The following AVEN variants were observed in gnomAD, a reference collection of about 807,000 sequenced individuals.
AVEN encodes cell death regulator Aven.
AVEN carries 41 observed loss-of-function variants against 38.1 expected under a neutral mutation model. That is an observed-to-expected ratio of 1.08 (90% CI 0.84 to 1.40). The LOEUF is 1.40. Ranked by LOEUF, AVEN falls within the 40% of genes most tolerant of loss-of-function variation. AVEN has a pLI of 0.00. For missense variants in AVEN, 605 were observed against 438.8 expected, an observed-to-expected ratio of 1.38 and a Z score of -3.38; for synonymous variants, 206 against 171.8, an observed-to-expected ratio of 1.20 and a Z score of -1.56.
At chr15:34,030,825 C>T (rs1364055614) in intron 1 of AVEN, among the ~76,000 whole-genome samples, 1 of 151,642 alleles carries the variant, frequency 6.6e-6, no homozygotes, top group Non-Finnish European at 1.5e-5. Flanking sequence ...GCTTTGTTGC[C>T]CAGGCTGGTC....
At chr15:33,970,097 G>A (rs948110893) in intron 2 of AVEN, among the ~76,000 whole-genome samples, 1 of 151,982 alleles carries the variant, frequency 6.6e-6, no homozygotes, top group Non-Finnish European at 1.5e-5. Context: ...GAAGAGAGGA[G>A]ACAGGGAAAC....
intron 1 of AVEN, among the ~76,000 whole-genome samples, chr15:34,026,231 G>C (rs1481854147): frequency 6.6e-6 from 1 of 151,782 alleles, no homozygotes; most frequent in Non-Finnish European, 1.5e-5. Flanking sequence ...AGTTTTATGA[G>C]AAAAGAATAT....
At chr15:33,942,881 GATTT>G (rs1166413087) in intron 2 of AVEN, among the ~76,000 whole-genome samples, 2 of 152,298 alleles carry the variant, frequency 1.3e-5, no homozygotes, top group Middle Eastern at 3.4e-3. Flanking sequence ...CAAAAATCAT[GATTT>G]ATTTGGAGCC....
At chr15:34,065,368 TG>T (rs1437082144) in intron 4 of AVEN, 1 of 152,266 alleles carries the variant, frequency 6.6e-6, no homozygotes, top group African/African-American at 2.4e-5. Flanking sequence ...AGAGCCCTTT[TG>T]CAGCCTCCAA....
chr15:33,968,127 C>G (rs1476248928), intron 2 of AVEN, among the ~76,000 whole-genome samples: 1 of 20,036 alleles, frequency 5.0e-5, no homozygotes, highest in African/African-American at 7.9e-5. Flanking sequence ...AAAAAAAAAG[C>G]TTCTAGCCAA....
chr15:33,961,590 A>C (rs113007664), intron 2 of AVEN, among the ~76,000 whole-genome samples: 1 of 151,582 alleles, frequency 6.6e-6, no homozygotes, highest in Non-Finnish European at 1.5e-5. Context: ...AAGGTGGGCG[A>C]ATCACGAGGT....
intron 2 of AVEN, among the ~76,000 whole-genome samples, chr15:33,896,107 C>A (rs772564584): frequency 1.3e-5 from 2 of 152,188 alleles, no homozygotes; most frequent in Non-Finnish European, 2.9e-5. Context: ...TTCCAAGTAA[C>A]TTAATTATAC....
At chr15:33,993,632 T>C (rs1247804435) in intron 2 of AVEN, among the ~76,000 whole-genome samples, 1 of 152,182 alleles carries the variant, frequency 6.6e-6, no homozygotes, top group Admixed American at 6.5e-5. Context: ...ATAATACATA[T>C]GAGCTTATAG....
chr15:33,873,923 C>T (rs1320256836), intron 3 of AVEN, among the ~76,000 whole-genome samples: 2 of 151,800 alleles, frequency 1.3e-5, no homozygotes, highest in African/African-American at 4.8e-5. Flanking sequence ...CTATGAGTAA[C>T]CCCTGTCCCA....
At chr15:33,860,071 A>AGCAGAGGAGCTGG (rs2080172771) in intron 11 of AVEN, among the ~76,000 whole-genome samples, 1 of 152,008 alleles carries the variant, frequency 6.6e-6, no homozygotes, top group Admixed American at 6.6e-5. Context: ...GTAGGGTAGG[A>AGCAGAGGAGCTGG]GCAGAGGAGC....
At chr15:33,884,386 T>G (rs898517692) in intron 2 of AVEN, among the ~76,000 whole-genome samples, 3 of 152,228 alleles carry the variant, frequency 2.0e-5, no homozygotes, top group Non-Finnish European at 2.9e-5. Flanking sequence ...CCTAAAATTA[T>G]GCCTATAGTA....
At chr15:33,962,577 T>C (rs1367781418) in intron 2 of AVEN, among the ~76,000 whole-genome samples, 1 of 152,196 alleles carries the variant, frequency 6.6e-6, no homozygotes, top group African/African-American at 2.4e-5. Flanking sequence ...CCCTGGATCA[T>C]CATCATAACC....
At chr15:33,881,529 G>A (rs1049444556) in intron 2 of AVEN, among the ~76,000 whole-genome samples, 11 of 152,146 alleles carry the variant, frequency 7.2e-5, no homozygotes, top group African/African-American at 2.4e-4. Flanking sequence ...AGTAAACTTG[G>A]TAAAATGACT....
At position 34,064,216 on chromosome 15, in the gene AVEN, G is replaced by A. The variant is rs1900449187; in HGVS notation, n.1127-784C>T. 3 of 1,614,042 alleles carry A rather than the reference G, an allele frequency of 1.9e-6. No individual in the cohort carries two copies. The Admixed American group carries it at 5.0e-5, about 27-fold the overall frequency. On this transcript the variant is annotated intron_variant and non_coding_transcript_variant, in intron 4 of 11. Coordinates refer to the AVEN transcript ENST00000675287. ...CCCATCTGCTATGCCCTCTGCAACA[G>A]AACCTTCAGGAAGACCTTTAAGATG...
At chr15:34,058,852 T>C (rs777481230) in intron 5 of AVEN, among the ~76,000 whole-genome samples, 7 of 152,190 alleles carry the variant, frequency 4.6e-5, no homozygotes, top group Non-Finnish European at 5.9e-5. Context: ...TACAAAGTCA[T>C]AGAAATGTAG....
intron 2 of AVEN, among the ~76,000 whole-genome samples, chr15:33,909,400 T>C (rs1892835673): frequency 6.6e-6 from 1 of 152,204 alleles, no homozygotes; most frequent in Non-Finnish European, 1.5e-5. Context: ...TATAGAGTGA[T>C]TTTATACTCT....
Position 33,867,848 on chromosome 15 carries a change from A to C in AVEN, c.620T>G (p.Val207Gly). The change falls in exon 5 of 6, where the codon GTT becomes GGT. Residue 207 changes from valine (V) to glycine (G), a missense_variant. Transcript: ENST00000306730. ...NVAAELVQGTVPLEVPQVKPK... is the reference protein window; with the variant it reads ...NVAAELVQGTGPLEVPQVKPK... ...TTTCACCTGAGGAACCTCTAAAGGA[A>C]CTGTACCCTGAAAGAGAAGTATAAA... 1.9e-6 allele frequency: 3 copies of C among 1,570,190 alleles called. No individual in the cohort carries two copies. The highest frequency in any genetic ancestry group is 2.6e-6 in the Non-Finnish European group (3 of 1,163,884).
intron 2 of AVEN, among the ~76,000 whole-genome samples, chr15:33,911,416 C>T (rs1892914079): frequency 6.6e-6 from 1 of 152,142 alleles, no homozygotes; most frequent in Non-Finnish European, 1.5e-5. Context: ...TGCTAACATA[C>T]CTTTGAAGGA....
At chr15:34,017,134 GA>G (rs71415543) in intron 1 of AVEN, among the ~76,000 whole-genome samples, 8 of 130,918 alleles carry the variant, frequency 6.1e-5, no homozygotes, top group Non-Finnish European at 1.3e-4. Flanking sequence ...TCTCAAGGGG[GA>G]AAAAAAAAGG....
Sources: allele counts gnomAD v4.1 joint callset (sites outside exome capture counted in the v4.1 genomes callset), GRCh38; gene constraint gnomAD v4.1.1; transcripts MANE v1.5; gene names NCBI Gene and HGNC (gene_info 2026-07-23, HGNC 2026-07-21).